Variants in CCDC134 observed in about 807,000 individuals in gnomAD.
CCDC134 encodes coiled-coil domain containing 134.
Under a neutral mutation model 25.6 loss-of-function variants are expected in CCDC134, and 27 were observed. That is an observed-to-expected ratio of 1.05 (90% confidence interval 0.78 to 1.45). CCDC134 has a LOEUF of 1.45. Among genes scored for constraint, CCDC134 ranks in the 40% most tolerant of loss-of-function variants. The probability of loss-of-function intolerance (pLI) is 0.00; values close to 1 mark genes in which losing one functional copy is unlikely to be tolerated. For missense variants in CCDC134, 261 were observed against 286.7 expected, an observed-to-expected ratio of 0.91 and a Z score of 0.65; for synonymous variants, 110 against 115.0, an observed-to-expected ratio of 0.96 and a Z score of 0.28.
At chr22:41,823,394 T>G (rs2076661539) in intron 6 of CCDC134, among the ~76,000 whole-genome samples, 1 of 151,934 alleles carries the variant, frequency 6.6e-6, no homozygotes, top group South Asian at 2.1e-4. Context: ...CTGACTAATT[T>G]TTGTATTTTT....
rs1467965698 is a variant in CCDC134 at position 41,831,460 on chromosome 22, T to TA, written c.*5638dup. The TA allele has an allele frequency of 6.6e-6, 1 of 152,280 alleles. No homozygotes were observed. The highest frequency in any genetic ancestry group is 1.5e-5 in the Non-Finnish European group (1 of 68,090). The allele number at this position is 152,280 out of a possible 1,614,324, so 9.4% of individuals were successfully genotyped here. On this transcript the variant is annotated 3_prime_UTR_variant, in exon 7 of 7. Coordinates refer to ENST00000255784, the MANE Select transcript of CCDC134 (RefSeq NM_024821.5). ...CCTCGGCCTCCTAAAGTGCTGGAAT[T>TA]ACCGGTGTGAGCCACCGCGCCTGGC... is the stretch of plus-strand genomic sequence containing the variant.
intron 4 of CCDC134, 24 bp from the exon 5 acceptor site, chr22:41,813,240 C>T: frequency 1.2e-6 from 2 of 1,612,904 alleles, no homozygotes; most frequent in Non-Finnish European, 1.7e-6. Context: ...CTGCCCTGGC[C>T]ACTCATCAGG....
At position 41,828,421 on chromosome 22, in the gene CCDC134, G is replaced by A. The variant is rs987173018; in HGVS notation, c.*2598G>A. ...ATGCAGAGCCAAAGAGTGGGGCCTG[G>A]TCTTGAACTATCTCCTCATCTGCCC... On this transcript the variant is annotated 3_prime_UTR_variant, in exon 7 of 7. Transcript: ENST00000255784. Among the ~76,000 whole-genome samples, 2 of 152,116 alleles carry A rather than the reference G, an allele frequency of 1.3e-5. No homozygotes were observed. The highest frequency in any genetic ancestry group is 4.8e-5 in the African/African-American group (2 of 41,400).
rs973589654 is a variant in CCDC134, at chr22:41,825,616, C to A, written c.565-82C>A. 6.4e-7 allele frequency: 1 copy of A among 1,573,146 alleles called. No individual in the cohort carries two copies. The highest frequency in any genetic ancestry group is 8.7e-7 in the Non-Finnish European group (1 of 1,155,480). On this transcript the variant is annotated intron_variant, in intron 6 of 6. Transcript: ENST00000255784. This position sits in a 1 kb window ranked among gnomAD's most constrained non-coding sequence, Gnocchi z 4.4. ...CCTGTGTCCAGGGAACCTTCCTATT[C>A]CCACACCCCGCTGGTGGCCTAGCTC... is the stretch of plus-strand genomic sequence containing the variant.
chr22:41,802,420 A>G (rs565061715), intron 1 of CCDC134, among the ~76,000 whole-genome samples: 2 of 152,256 alleles, frequency 1.3e-5, no homozygotes, highest in African/African-American at 4.8e-5. Context: ...AGTCAGTGTC[A>G]AAACCCTTGT....
chr22:41,805,981 G>T (rs2076565619), intron 1 of CCDC134, among the ~76,000 whole-genome samples: 1 of 152,108 alleles, frequency 6.6e-6, no homozygotes. Flanking sequence ...AGTTCTGTTT[G>T]ATTTTGATTA....
intron 1 of CCDC134, among the ~76,000 whole-genome samples, chr22:41,802,872 C>G (rs1445490643): frequency 6.6e-6 from 1 of 151,218 alleles, no homozygotes; most frequent in African/African-American, 2.4e-5. Context: ...CGAGATCGCA[C>G]CACTGCACTC....
chr22:41,816,926 AC>A (rs1400423580), intron 6 of CCDC134, among the ~76,000 whole-genome samples: 2 of 152,046 alleles, frequency 1.3e-5, no homozygotes, highest in African/African-American at 4.8e-5. Context: ...CAAAAACAAA[AC>A]AAAACAAAAA....
chr22:41,813,078 T>C (rs967006689), intron 4 of CCDC134, among the ~76,000 whole-genome samples, 186 bp from the exon 5 acceptor site: 1 of 152,170 alleles, frequency 6.6e-6, no homozygotes, highest in Non-Finnish European at 1.5e-5. Flanking sequence ...GAGGACTCAG[T>C]GAGCTGGTGG....
chr22:41,813,500 A>T, intron 5 of CCDC134, 55 bp downstream of exon 5: 1 of 1,582,384 alleles, frequency 6.3e-7, no homozygotes, highest in Non-Finnish European at 8.7e-7. Context: ...GTGGACTAGG[A>T]TCCTCACATC....
chr22:41,818,215 C>T (rs889586912), intron 6 of CCDC134, among the ~76,000 whole-genome samples: 4 of 152,192 alleles, frequency 2.6e-5, no homozygotes, highest in East Asian at 1.9e-4. Context: ...TCATTCCTCC[C>T]GCAATTAGTT....
chr22:41,823,517 C>T (rs751482265), intron 6 of CCDC134, among the ~76,000 whole-genome samples: 10 of 152,256 alleles, frequency 6.6e-5, no homozygotes, highest in Non-Finnish European at 1.0e-4. Context: ...TGAGCCACGG[C>T]GCCCAACTCC....
At chr22:41,810,790 G>A (rs193256014) in intron 4 of CCDC134, among the ~76,000 whole-genome samples, 105 of 152,152 alleles carry the variant, frequency 6.9e-4, no homozygotes, top group East Asian at 4.4e-3. Flanking sequence ...CACTGCACCC[G>A]GCCACAATAG....
At position 41,829,775 on chromosome 22, in the gene CCDC134, CTTTT is replaced by C. The variant is rs140582057; in HGVS notation, c.*3957_*3960del. Among the ~76,000 whole-genome samples the C allele has an allele frequency of 1.2e-4, 18 of 151,928 alleles. No individual in the cohort carries two copies. In the South Asian group the frequency reaches 1.9e-3, roughly 16 times the overall value. On this transcript the variant is annotated 3_prime_UTR_variant, in exon 7 of 7. Coordinates refer to ENST00000255784, the MANE Select transcript of CCDC134 (RefSeq NM_024821.5). ...ATCCATCCCTTTTCTTTCTTTCTTT[CTTTT>C]TTTTCTTTTTTTTTGAGACAAGTCT...
At chr22:41,816,767 A>G (rs555937296) in intron 6 of CCDC134, among the ~76,000 whole-genome samples, 1 of 152,100 alleles carries the variant, frequency 6.6e-6, no homozygotes, top group African/African-American at 2.4e-5. Flanking sequence ...AAAATACAAA[A>G]ATTATCCGGG....
rs1481492324 is a variant in CCDC134 at position 41,828,661 on chromosome 22, A to G, written c.*2838A>G. On this transcript the variant is annotated 3_prime_UTR_variant, in exon 7 of 7. Coordinates refer to ENST00000255784, the MANE Select transcript of CCDC134 (RefSeq NM_024821.5). ...CCACTTGCTGAGTCTTACTGCAGAC[A>G]GAGCCCACCCCCTGAGCTGTAAAGG... Among the ~76,000 whole-genome samples, 1 of 152,180 alleles carries G rather than the reference A, an allele frequency of 6.6e-6. No individual in the cohort carries two copies. The highest frequency in any genetic ancestry group is 1.5e-5 in the Non-Finnish European group (1 of 68,020).
At position 41,825,672 on chromosome 22, in the gene CCDC134, T is replaced by C; in HGVS notation, c.565-26T>C. On this transcript the variant is annotated intron_variant, in intron 6 of 6. Transcript: ENST00000255784. This position sits in a 1 kb window ranked among gnomAD's most constrained non-coding sequence, Gnocchi z 4.4. Reference sequence around the variant, plus strand: ...AGGCTCTTTGCTGCCACAGACTAAATCAGACTGCTCTTCTCTTCCCTTCAG... The same window carrying C: ...AGGCTCTTTGCTGCCACAGACTAAACCAGACTGCTCTTCTCTTCCCTTCAG... 6.2e-7 allele frequency: 1 copy of C among 1,613,414 alleles called. No individual in the cohort carries two copies. The highest frequency in any genetic ancestry group is 8.5e-7 in the Non-Finnish European group (1 of 1,179,560).
In CCDC134 at chr22:41,808,861, G is replaced by T. The variant is rs780748578; in HGVS notation, c.-16-14G>T. ...CTCTGAGTCTCACTCTCTTTCTTTG[G>T]GTTATTCTTCCAGCTCAAGAGGTTT... On this transcript the variant is annotated splice_polypyrimidine_tract_variant and intron_variant, in intron 1 of 6. Transcript: ENST00000255784. 6.3e-7 allele frequency: 1 copy of T among 1,576,464 alleles called. No homozygotes were observed. Among genetic ancestry groups the T allele is most frequent in the Non-Finnish European group, 8.7e-7 (1 of 1,145,878 alleles).
chr22:41,814,416 A>C (rs1312434420), intron 6 of CCDC134, among the ~76,000 whole-genome samples: 1 of 152,080 alleles, frequency 6.6e-6, no homozygotes, highest in African/African-American at 2.4e-5. Context: ...AAATACAAAA[A>C]ACTGGCCAGG....
Sources: allele counts gnomAD v4.1 joint callset (sites outside exome capture counted in the v4.1 genomes callset), GRCh38; gene constraint gnomAD v4.1.1; non-coding constraint Gnocchi (gnomAD v3.1); transcripts MANE v1.5; gene names NCBI Gene and HGNC (gene_info 2026-07-23, HGNC 2026-07-21).